The following ZBTB7C variants were observed in gnomAD, a reference collection of about 807,000 sequenced individuals.
The protein encoded by ZBTB7C is zinc finger and BTB domain containing 7C, also known as zinc finger and BTB domain-containing protein 7C.
Under a neutral mutation model 25.7 loss-of-function variants are expected in ZBTB7C, and 8 were observed. That is an observed-to-expected ratio of 0.31 (90% CI 0.18 to 0.56). The LOEUF is 0.56. ZBTB7C is among the 20% of genes least tolerant of loss of function. The pLI, the probability that ZBTB7C is intolerant of heterozygous loss-of-function variation, is 0.91. For missense variants in ZBTB7C, 824 were observed against 855.2 expected (o/e 0.96, Z 0.46); for synonymous variants, 394 against 369.0 (o/e 1.07, Z -0.78).
intron 1 of ZBTB7C, among the ~76,000 whole-genome samples, chr18:48,370,700 C>T (rs1023936126): frequency 6.6e-6 from 1 of 152,092 alleles, no homozygotes; most frequent in African/African-American, 2.4e-5. Context: ...CAAGGTAACA[C>T]TCTCAACACA....
At chr18:48,121,336 C>G (rs1265129225) in intron 3 of ZBTB7C, among the ~76,000 whole-genome samples, 1 of 152,130 alleles carries the variant, frequency 6.6e-6, no homozygotes, top group Non-Finnish European at 1.5e-5. Flanking sequence ...GGATGGGATG[C>G]TGTCCCAGCT....
At chr18:48,157,806 C>T (rs2040881509) in intron 3 of ZBTB7C, among the ~76,000 whole-genome samples, 1 of 152,290 alleles carries the variant, frequency 6.6e-6, no homozygotes, top group Admixed American at 6.5e-5. Flanking sequence ...CATAAGCATG[C>T]TAAAATAAAC....
At chr18:48,177,801 T>C (rs2041734565) in intron 3 of ZBTB7C, among the ~76,000 whole-genome samples, 1 of 152,108 alleles carries the variant, frequency 6.6e-6, no homozygotes, top group Non-Finnish European at 1.5e-5. Flanking sequence ...AGCAACGGGC[T>C]CCCTTGCCTC....
chr18:48,116,135 C>A (rs2039431779), intron 3 of ZBTB7C, among the ~76,000 whole-genome samples: 1 of 152,064 alleles, frequency 6.6e-6, no homozygotes, highest in African/African-American at 2.4e-5. Context: ...CGTCCCCCAC[C>A]CCCAAGGACA....
chr18:48,225,101 T>C (rs4939767), intron 2 of ZBTB7C, among the ~76,000 whole-genome samples: 18,344 of 152,240 alleles, frequency 0.12, 1,466 homozygotes, highest in Non-Finnish European at 0.18. Flanking sequence ...TGGACCTATG[T>C]CTTTGCTCTA....
rs760096959 is a variant in ZBTB7C, at chr18:48,270,253, C to CTTTTT, written c.-79+67916_-79+67920dup. On this transcript the variant is annotated intron_variant, in intron 2 of 4. Coordinates refer to ENST00000590800, the MANE Select transcript of ZBTB7C (RefSeq NM_001318841.2). ...TAAACCTAGTTCTTTTTCTCTCTTT[C>CTTTTT]TTTTTTTTTTTTTTTTTTTTTTTGA... is the stretch of plus-strand genomic sequence containing the variant. 4.2e-3 allele frequency among the ~76,000 whole-genome samples: 410 copies of CTTTTT among 98,700 alleles called. 1 individual carries two copies. The highest frequency in any genetic ancestry group is 7.7e-3 in the Middle Eastern group (1 of 130). The allele number at this position is 98,700 out of a possible 152,430, so 64.8% of individuals were successfully genotyped here. A position where few individuals can be genotyped will look rare whatever the true frequency, so the allele number is the denominator to read the frequency against.
At chr18:48,354,764 G>T (rs1217446807) in intron 1 of ZBTB7C, among the ~76,000 whole-genome samples, 1 of 152,144 alleles carries the variant, frequency 6.6e-6, no homozygotes, top group Non-Finnish European at 1.5e-5. Context: ...GTCAGGGCTG[G>T]TCCAAGCACA....
intron 2 of ZBTB7C, among the ~76,000 whole-genome samples, chr18:48,293,127 C>T (rs2045281886): frequency 6.6e-6 from 1 of 152,226 alleles, no homozygotes; most frequent in Non-Finnish European, 1.5e-5. Flanking sequence ...TCCGTGTGGG[C>T]TGCCATAACA....
chr18:48,076,090 G>C (rs982528810), intron 3 of ZBTB7C, among the ~76,000 whole-genome samples: 20 of 152,250 alleles, frequency 1.3e-4, no homozygotes, highest in Admixed American at 2.6e-4. Flanking sequence ...GTCGGGCTCT[G>C]GGCAAGGTGC....
At chr18:48,275,751 C>T (rs2044628160) in intron 2 of ZBTB7C, among the ~76,000 whole-genome samples, 1 of 152,192 alleles carries the variant, frequency 6.6e-6, no homozygotes, top group Non-Finnish European at 1.5e-5. Context: ...CAGAACAGTT[C>T]TGAAGTGCAC....
At chr18:48,228,666 T>G (rs558977796) in intron 2 of ZBTB7C, among the ~76,000 whole-genome samples, 1 of 151,318 alleles carries the variant, frequency 6.6e-6, no homozygotes, top group African/African-American at 2.4e-5. Flanking sequence ...ATGCCAGGAG[T>G]CAGGAGGCTC....
At chr18:48,330,720 C>A (rs1281798983) in intron 2 of ZBTB7C, among the ~76,000 whole-genome samples, 5 of 150,796 alleles carry the variant, frequency 3.3e-5, no homozygotes, top group Admixed American at 2.0e-4. Context: ...GTAATCCCAG[C>A]CTTGCTGGGT....
At chr18:48,046,025 C>A (rs576410167) in intron 3 of ZBTB7C, among the ~76,000 whole-genome samples, 1 of 152,230 alleles carries the variant, frequency 6.6e-6, no homozygotes, top group Non-Finnish European at 1.5e-5. Context: ...GGACTCCCGA[C>A]GACAGCAGCC....
chr18:48,058,698 A>G (rs989839197), intron 3 of ZBTB7C, among the ~76,000 whole-genome samples: 17 of 152,136 alleles, frequency 1.1e-4, no homozygotes, highest in African/African-American at 3.9e-4. Flanking sequence ...CCTGCATTGT[A>G]TCAGGGCTGG....
chr18:48,254,009 A>G (rs999097974), intron 2 of ZBTB7C, among the ~76,000 whole-genome samples: 2 of 152,184 alleles, frequency 1.3e-5, no homozygotes, highest in African/African-American at 4.8e-5. Flanking sequence ...ACCCCCATAG[A>G]AGAAGTGAAT....
chr18:48,141,153 C>A (rs1277332148), intron 3 of ZBTB7C, among the ~76,000 whole-genome samples: 2 of 148,686 alleles, frequency 1.3e-5, no homozygotes, highest in Non-Finnish European at 3.0e-5. Context: ...ACCACCCCCC[C>A]CACTGTTCCT....
At chr18:48,120,603 C>T (rs781290388) in intron 3 of ZBTB7C, among the ~76,000 whole-genome samples, 17 of 151,730 alleles carry the variant, frequency 1.1e-4, no homozygotes, top group Middle Eastern at 3.4e-3. Flanking sequence ...AGTGAGACTC[C>T]GTCTTAAAAA....
intron 2 of ZBTB7C, among the ~76,000 whole-genome samples, chr18:48,251,074 A>G (rs2043841440): frequency 6.6e-6 from 1 of 152,106 alleles, no homozygotes; most frequent in Non-Finnish European, 1.5e-5. Flanking sequence ...AAATAAAAAT[A>G]AAAATAAATT....
intron 2 of ZBTB7C, among the ~76,000 whole-genome samples, chr18:48,201,156 A>G (rs1345861413): frequency 2.0e-5 from 3 of 152,136 alleles, no homozygotes; most frequent in East Asian, 1.9e-4. Context: ...ATTCCCCTCC[A>G]TGGCTTCCCC....
Sources: gnomAD v4.1 joint callset for allele counts (sites outside exome capture counted in the v4.1 genomes callset) on GRCh38, gnomAD v4.1.1 for gene constraint, MANE v1.5 for transcripts, NCBI Gene and HGNC (gene_info 2026-07-23, HGNC 2026-07-21) for gene names.